Variants in ANKRD30B observed in about 807,000 individuals in gnomAD.
ANKRD30B encodes ankyrin repeat domain-containing protein 30B.
Under a neutral mutation model 202.2 loss-of-function variants are expected in ANKRD30B, and 144 were observed. The observed-to-expected ratio is 0.71, with a 90% CI of 0.62 to 0.82. The LOEUF (loss-of-function observed/expected upper bound fraction) is 0.82, where lower values mean the gene tolerates loss of function less well. ANKRD30B is among the 40% of genes least tolerant of loss of function. The pLI is 0.00. For synonymous variants in ANKRD30B, 508 were observed against 561.3 expected, an observed-to-expected ratio of 0.91 and a Z score of 1.34; for missense variants, 1,487 against 1,669.1, an observed-to-expected ratio of 0.89 and a Z score of 1.90.
intron 15 of ANKRD30B, among the ~76,000 whole-genome samples, chr18:14,789,221 A>G (rs1243555271): frequency 4.6e-5 from 7 of 152,082 alleles, no homozygotes; most frequent in East Asian, 1.9e-4. Context: ...CATGTCCTTC[A>G]CCCACTTTTT....
chr18:14,800,094 T>A (rs540316703), intron 22 of ANKRD30B, among the ~76,000 whole-genome samples: 1 of 151,082 alleles, frequency 6.6e-6, no homozygotes, highest in African/African-American at 2.4e-5. Flanking sequence ...TAGCCGGTTG[T>A]GGTGGTGGGT....
chr18:14,804,689 A>T (rs938095945), intron 24 of ANKRD30B, among the ~76,000 whole-genome samples: 2 of 150,670 alleles, frequency 1.3e-5, no homozygotes, highest in Non-Finnish European at 3.0e-5. Context: ...ATTTTTGAGT[A>T]TGTTTTTAGT....
At chr18:14,774,742 G>C (rs1232520844) in intron 9 of ANKRD30B, among the ~76,000 whole-genome samples, 4 of 151,522 alleles carry the variant, frequency 2.6e-5, no homozygotes, top group Non-Finnish European at 4.4e-5. Context: ...AATATAACAT[G>C]TAATTTAACT....
intron 39 of ANKRD30B, among the ~76,000 whole-genome samples, chr18:14,845,107 T>G (rs1971578281): frequency 1.3e-5 from 2 of 151,996 alleles, no homozygotes; most frequent in South Asian, 4.1e-4. Flanking sequence ...TAGGTCCCAT[T>G]TGTCAATTTT....
At chr18:14,831,034 T>C (rs1353527204) in intron 33 of ANKRD30B, among the ~76,000 whole-genome samples, 1 of 150,396 alleles carries the variant, frequency 6.6e-6, no homozygotes, top group African/African-American at 2.5e-5. Flanking sequence ...TACAAAAAAT[T>C]AGCCGGGCGC....
At chr18:14,785,896 G>A (rs1437799163) in intron 14 of ANKRD30B, among the ~76,000 whole-genome samples, 1 of 151,960 alleles carries the variant, frequency 6.6e-6, no homozygotes, top group African/African-American at 2.4e-5. Context: ...AAATTAGCCG[G>A]GTGCGGTGGC....
intron 32 of ANKRD30B, among the ~76,000 whole-genome samples, chr18:14,825,539 T>C (rs1970623055): frequency 6.6e-6 from 1 of 151,838 alleles, no homozygotes. Context: ...CCACATTCCC[T>C]AGATATTTGC....
chr18:14,862,450 A>G, the ANKRD30B span, among the ~76,000 whole-genome samples: 10 of 152,248 alleles, frequency 6.6e-5, no homozygotes, highest in African/African-American at 2.4e-4. Flanking sequence ...TGCAAAGGAT[A>G]CCACTGACAT....
At chr18:14,863,195 A>G in the ANKRD30B span, among the ~76,000 whole-genome samples, 1 of 152,166 alleles carries the variant, frequency 6.6e-6, no homozygotes, top group Admixed American at 6.6e-5. Context: ...GTGTGAAATG[A>G]CATTGTTTGG....
At chr18:14,811,729 G>C (rs1277739664) in intron 28 of ANKRD30B, among the ~76,000 whole-genome samples, 3 of 46,372 alleles carry the variant, frequency 6.5e-5, no homozygotes, top group Non-Finnish European at 1.3e-4. Flanking sequence ...TTTTAGAGAC[G>C]TCCATAAAGG....
At chr18:14,786,583 T>A in intron 14 of ANKRD30B, among the ~76,000 whole-genome samples, 1 of 152,326 alleles carries the variant, frequency 6.6e-6, no homozygotes, top group South Asian at 2.1e-4. Context: ...AAGTTAATAT[T>A]CCTAAAAAAT....
the ANKRD30B span, among the ~76,000 whole-genome samples, chr18:14,914,937 A>G: frequency 6.6e-6 from 1 of 152,212 alleles, no homozygotes; most frequent in Non-Finnish European, 1.5e-5. Context: ...TAGGATCCAC[A>G]GGCTTGTATG....
chr18:14,778,820 T>C (rs531977525), intron 10 of ANKRD30B, among the ~76,000 whole-genome samples: 3 of 152,268 alleles, frequency 2.0e-5, no homozygotes, highest in Admixed American at 2.0e-4. Context: ...GCCTTTCCTT[T>C]GGAAAAATCT....
chr18:14,763,768 A>G lies in ANKRD30B; in HGVS notation c.903A>G (p.Lys301=), dbSNP rs369643268. ...TPDTAESLLE[K]TPDEAARLVE... ...ACACGGCTGAAAGCTTGCTGGAAAA[A>G]ACACCTGACGAGGCTGCACGCTTGG... The change falls in exon 7 of 44, where the codon AAA becomes AAG. Residue 301 remains lysine (K), a synonymous_variant. Transcript: ENST00000690538. 57 of 1,613,918 alleles carry G rather than the reference A, an allele frequency of 3.5e-5. 1 individual carries two copies. In the African/African-American group the frequency reaches 6.7e-4, roughly 19 times the overall value.
the ANKRD30B span, among the ~76,000 whole-genome samples, chr18:14,874,229 C>T: frequency 1.3e-5 from 2 of 152,052 alleles, no homozygotes; most frequent in South Asian, 2.1e-4. Flanking sequence ...TTTCGAAGAC[C>T]CTGAACGCTC....
rs754322881 is a variant in ANKRD30B, at chr18:14,757,795, T to C, written c.618-20T>C. The stretch of plus-strand genomic sequence containing the variant: ...TTAAATTGATTCTGCTCATAATAAG[T>C]TATCTCTTTGTTATTTTAGCACAGC... On this transcript the variant is annotated intron_variant, in intron 4 of 43. Coordinates refer to ENST00000690538, the MANE Select transcript of ANKRD30B (RefSeq NM_001367607.2). 7 of 1,608,400 alleles carry C rather than the reference T, an allele frequency of 4.4e-6. No individual in the cohort carries two copies. In the South Asian group the frequency reaches 6.7e-5, roughly 15 times the overall value.
the ANKRD30B span, among the ~76,000 whole-genome samples, chr18:14,881,046 C>A: frequency 2.0e-5 from 3 of 152,186 alleles, no homozygotes; most frequent in Non-Finnish European, 4.4e-5. Context: ...GACAGTTTGA[C>A]TTCCTCTTTA....
chr18:14,902,552 C>T, the ANKRD30B span, among the ~76,000 whole-genome samples: 1 of 152,168 alleles, frequency 6.6e-6, no homozygotes, highest in Non-Finnish European at 1.5e-5. Context: ...CCAAGTATAA[C>T]AAGTCTAAAA....
chr18:14,837,364 T>C (rs1971224484), intron 35 of ANKRD30B, 75 bp downstream of exon 35: 6 of 1,325,344 alleles, frequency 4.5e-6, no homozygotes, highest in Admixed American at 2.3e-5. Flanking sequence ...AATTTTTCTA[T>C]GTTTAAATGC....
Sources: gnomAD v4.1 joint callset for allele counts (sites outside exome capture counted in the v4.1 genomes callset) on GRCh38, gnomAD v4.1.1 for gene constraint, MANE v1.5 for transcripts, NCBI Gene and HGNC (gene_info 2026-07-23, HGNC 2026-07-21) for gene names.